Variants in CACNA1C observed in about 807,000 individuals in gnomAD.
CACNA1C encodes the protein calcium voltage-gated channel subunit alpha1 C, also known as voltage-dependent L-type calcium channel subunit alpha-1C.
CACNA1C carries 30 observed loss-of-function variants against 229.0 expected under a neutral mutation model. That is an observed-to-expected ratio of 0.13 (90% CI 0.10 to 0.18). The LOEUF (loss-of-function observed/expected upper bound fraction) is 0.18, where lower values mean the gene tolerates loss of function less well. Among genes scored for constraint, CACNA1C ranks in the 10% least tolerant of loss-of-function variants. The probability of loss-of-function intolerance (pLI) is 1.00; values close to 1 mark genes in which losing one functional copy is unlikely to be tolerated. For missense variants in CACNA1C, 1,658 were observed against 2,845.0 expected, an observed-to-expected ratio of 0.58 and a Z score of 9.49; for synonymous variants, 1,114 against 1,132.5, an observed-to-expected ratio of 0.98 and a Z score of 0.33.
chr12:2,655,428 C>T (rs1486597527), intron 34 of CACNA1C, among the ~76,000 whole-genome samples, 190 bp downstream of exon 34: 1 of 152,160 alleles, frequency 6.6e-6, no homozygotes, highest in Non-Finnish European at 1.5e-5. Flanking sequence ...ACAGAGCAAC[C>T]CACTATGCAC....
chr12:2,349,516 C>T (rs2097145762), intron 3 of CACNA1C, among the ~76,000 whole-genome samples: 2 of 152,140 alleles, frequency 1.3e-5, no homozygotes, highest in South Asian at 2.1e-4. Flanking sequence ...AGTAGGGGCG[C>T]AGCATGCAAA....
At chr12:2,044,026 G>A (rs1212259189) in intron 1 of CACNA1C, among the ~76,000 whole-genome samples, 3 of 152,052 alleles carry the variant, frequency 2.0e-5, no homozygotes, top group African/African-American at 7.3e-5. Flanking sequence ...ATTGGTCATT[G>A]GTTAAAAAAA....
At chr12:2,257,329 T>C (rs1454687868) in intron 3 of CACNA1C, among the ~76,000 whole-genome samples, 1 of 152,198 alleles carries the variant, frequency 6.6e-6, no homozygotes, top group Non-Finnish European at 1.5e-5. Flanking sequence ...TTCAGTCTTC[T>C]CTAGCACAGC....
chr12:2,340,951 C>T (rs913521263), intron 3 of CACNA1C, among the ~76,000 whole-genome samples: 3 of 142,576 alleles, frequency 2.1e-5, no homozygotes, highest in East Asian at 3.9e-4. Flanking sequence ...AGTGAGACTC[C>T]GTCTCAAAAA....
chr12:2,188,530 GAGT>G (rs1186649382), intron 3 of CACNA1C, among the ~76,000 whole-genome samples: 1 of 152,042 alleles, frequency 6.6e-6, no homozygotes, highest in African/African-American at 2.4e-5. Context: ...TAGGATATAA[GAGT>G]TGAACCTATT....
chr12:2,557,023 T>G, intron 11 of CACNA1C, 46 bp downstream of exon 11: 2 of 1,565,838 alleles, frequency 1.3e-6, no homozygotes, highest in Non-Finnish European at 8.8e-7. Flanking sequence ...CCACCAGCTC[T>G]GTCTTCAGCC....
chr12:2,028,683 C>T (rs2047727384), intron 1 of CACNA1C, among the ~76,000 whole-genome samples: 1 of 152,150 alleles, frequency 6.6e-6, no homozygotes. Context: ...GATCAAATCT[C>T]TACTCCACCG....
At chr12:2,446,829 T>A (rs532962650) in intron 3 of CACNA1C, among the ~76,000 whole-genome samples, 1 of 149,020 alleles carries the variant, frequency 6.7e-6, no homozygotes, top group East Asian at 2.0e-4. Flanking sequence ...GATGGGTGAA[T>A]GGGTACATGG....
At chr12:2,262,474 G>A (rs1441588899) in intron 3 of CACNA1C, among the ~76,000 whole-genome samples, 1 of 152,212 alleles carries the variant, frequency 6.6e-6, no homozygotes, top group African/African-American at 2.4e-5. Context: ...CAGTAGTACA[G>A]TCTTCCCTGT....
intron 3 of CACNA1C, among the ~76,000 whole-genome samples, chr12:2,421,930 G>A (rs927189839): frequency 7.3e-5 from 11 of 151,350 alleles, no homozygotes; most frequent in Non-Finnish European, 1.6e-4. Context: ...AAAAAGCATC[G>A]CAATTCTCTG....
At chr12:2,350,903 A>G (rs2154526611) in intron 3 of CACNA1C, among the ~76,000 whole-genome samples, 1 of 152,276 alleles carries the variant, frequency 6.6e-6, no homozygotes, top group Non-Finnish European at 1.5e-5. Flanking sequence ...CTGTCGAATC[A>G]AGCAAGGATG....
chr12:2,363,527 A>T (rs2097629359), intron 3 of CACNA1C, among the ~76,000 whole-genome samples: 1 of 152,118 alleles, frequency 6.6e-6, no homozygotes, highest in South Asian at 2.1e-4. Flanking sequence ...GTTCTTGTTG[A>T]ATCCTTCCCC....
chr12:2,324,908 G>A (rs2096219754), intron 3 of CACNA1C, among the ~76,000 whole-genome samples: 1 of 152,162 alleles, frequency 6.6e-6, no homozygotes, highest in South Asian at 2.1e-4. Flanking sequence ...ATAGCTTTCT[G>A]TAAGCTATTT....
intron 1 of CACNA1C, among the ~76,000 whole-genome samples, chr12:1,981,465 C>T (rs1200946946): frequency 1.3e-5 from 2 of 152,204 alleles, no homozygotes; most frequent in African/African-American, 2.4e-5. Flanking sequence ...GGTGCCTGCA[C>T]TCTAACAGAG....
chr12:2,590,391 G>T (rs2064695280), intron 18 of CACNA1C, among the ~76,000 whole-genome samples: 1 of 152,174 alleles, frequency 6.6e-6, no homozygotes, highest in Admixed American at 6.5e-5. Flanking sequence ...AGAAAAGAAA[G>T]ATCCCTAATG....
chr12:2,688,427 C>T lies in CACNA1C; in HGVS notation c.5785-20C>T, dbSNP rs182210052. ...GGGGTCGGCCACTCCTATTAACTCA[C>T]ACTCCTTGTGTGTCCGCAGGCATTG... On this transcript the variant is annotated intron_variant, in intron 45 of 46. Coordinates refer to ENST00000399655, the MANE Select transcript of CACNA1C (RefSeq NM_000719.7). The T allele has an allele frequency of 6.5e-5, 105 of 1,612,696 alleles. No homozygotes were observed. In the African/African-American group the frequency reaches 8.4e-4, roughly 13 times the overall value.
At chr12:2,138,505 G>T (rs1340119599) in intron 3 of CACNA1C, among the ~76,000 whole-genome samples, 1 of 151,210 alleles carries the variant, frequency 6.6e-6, no homozygotes, top group Non-Finnish European at 1.5e-5. Context: ...GTGGGAGAAG[G>T]TGTCGAAGGC....
intron 1 of CACNA1C, among the ~76,000 whole-genome samples, chr12:2,062,520 T>C (rs886361701): frequency 6.6e-6 from 1 of 152,224 alleles, no homozygotes; most frequent in Non-Finnish European, 1.5e-5. Flanking sequence ...AATGACCTTG[T>C]CCTTGCCTTC....
At chr12:2,088,136 A>G (rs959034544) in intron 1 of CACNA1C, among the ~76,000 whole-genome samples, 2 of 152,270 alleles carry the variant, frequency 1.3e-5, no homozygotes, top group Non-Finnish European at 2.9e-5. Context: ...CATAAGTACA[A>G]CATCCTATGG....
Sources: gnomAD v4.1 joint callset for allele counts (sites outside exome capture counted in the v4.1 genomes callset) on GRCh38, gnomAD v4.1.1 for gene constraint, MANE v1.5 for transcripts, NCBI Gene and HGNC (gene_info 2026-07-23, HGNC 2026-07-21) for gene names.